Variants in RSRP1 observed in about 807,000 individuals in gnomAD.
RSRP1 encodes the protein arginine and serine rich protein 1.
Under a neutral mutation model 33.0 loss-of-function variants are expected in RSRP1, and 37 were observed. The observed-to-expected ratio is 1.12, with a 90% CI of 0.86 to 1.48. The LOEUF (loss-of-function observed/expected upper bound fraction) is 1.48. Ranked by LOEUF, RSRP1 falls within the 40% of genes most tolerant of loss-of-function variation. RSRP1 has a pLI of 0.00. For missense variants in RSRP1, 402 were observed against 385.3 expected (o/e 1.04, Z -0.36); for synonymous variants, 167 against 158.7 (o/e 1.05, Z -0.40).
At chr1:25,277,993 A>G (rs1332794977) in intron 1 of RSRP1, among the ~76,000 whole-genome samples, 3 of 131,658 alleles carry the variant, frequency 2.3e-5, no homozygotes, top group African/African-American at 7.7e-5. Context: ...TAATTTCTTA[A>G]TTTTTTAAAT....
At chr1:25,314,081 C>T (rs1358869378) in intron 1 of RSRP1, among the ~76,000 whole-genome samples, 1 of 132,774 alleles carries the variant, frequency 7.5e-6, no homozygotes, top group African/African-American at 2.6e-5. Flanking sequence ...CACACGAATG[C>T]ACTTCTGTTG....
intron 3 of RSRP1, 132 bp downstream of exon 3, chr1:25,245,018 T>G (rs1397864474): frequency 6.4e-7 from 1 of 1,569,348 alleles, no homozygotes; most frequent in Non-Finnish European, 8.6e-7. Context: ...TCTTCAGATT[T>G]GCTACTTTGA....
At chr1:25,277,800 G>A (rs1160807206) in intron 1 of RSRP1, among the ~76,000 whole-genome samples, 2 of 121,384 alleles carry the variant, frequency 1.6e-5, no homozygotes, top group East Asian at 2.0e-4. Context: ...TCAGCCTCCC[G>A]AGTAGCTGGG....
Position 25,329,336 on chromosome 1 carries a change from C to T in RSRP1, c.-67+8642G>A. The stretch of plus-strand genomic sequence containing the variant: ...CTTGGCTCACTGCAACCTCTACCTC[C>T]TGGGTTCAAGCAAATCTCCTGCCTC... On this transcript the variant is annotated intron_variant, in intron 1 of 1. Transcript: ENST00000561867. 2 of 374,294 alleles carry T rather than the reference C, an allele frequency of 5.3e-6. 1 individual carries two copies. Among genetic ancestry groups the T allele is most frequent in the Non-Finnish European group, 1.0e-5 (2 of 192,246 alleles). The allele number at this position is 374,294 out of a possible 1,614,324, so 23.2% of individuals were successfully genotyped here. A position where few individuals can be genotyped will look rare whatever the true frequency, so the allele number is the denominator to read the frequency against.
At position 25,312,982 on chromosome 1, in the gene RSRP1, C is replaced by T. The variant is rs1644249165; in HGVS notation, c.-67+24996G>A. Among the ~76,000 whole-genome samples the T allele has an allele frequency of 2.2e-5, 2 of 89,352 alleles. 1 individual carries two copies. Among genetic ancestry groups the T allele is most frequent in the Admixed American group, 2.7e-4 (2 of 7,424 alleles). The allele number at this position is 89,352 out of a possible 152,430, so 58.6% of individuals were successfully genotyped here. On this transcript the variant is annotated intron_variant, in intron 1 of 1. Coordinates refer to the RSRP1 transcript ENST00000561867. Reference sequence around the variant, plus strand: ...TTTAGTGCTATTGGAATGAATTTTGCATGTAAGAAGGACATGCATTTTGGG... The same window carrying T: ...TTTAGTGCTATTGGAATGAATTTTGTATGTAAGAAGGACATGCATTTTGGG...
At position 25,299,827 on chromosome 1, in the gene RSRP1, A is replaced by G. The variant is rs1444698967; in HGVS notation, c.-67+38151T>C. 4.6e-5 allele frequency among the ~76,000 whole-genome samples: 6 copies of G among 131,454 alleles called. 2 individuals carry two copies. Among genetic ancestry groups the G allele is most frequent in the Non-Finnish European group, 7.2e-5 (4 of 55,760 alleles). 86.2% of individuals were successfully genotyped at this position (131,454 alleles called of 152,430 possible). Reference sequence around the variant, plus strand: ...TGCAGTGGCGACATCTCAGCTCACTATAGCCTCCGCCTCCCAGGTTCCAGT... The same window carrying G: ...TGCAGTGGCGACATCTCAGCTCACTGTAGCCTCCGCCTCCCAGGTTCCAGT... On this transcript the variant is annotated intron_variant, in intron 1 of 1. Transcript: ENST00000561867.
chr1:25,301,689 G>A lies in RSRP1; in HGVS notation c.-67+36289C>T, dbSNP rs376352142. ...ACCCCCAAGGGAAGATCAGCAAGGT[G>A]AGCAGGGCGCTGCCCTTGGGCAGCA... On this transcript the variant is annotated intron_variant, in intron 1 of 1. Transcript: ENST00000561867. 4 of 1,379,084 alleles carry A rather than the reference G, an allele frequency of 2.9e-6. 2 individuals carry two copies. Among genetic ancestry groups the A allele is most frequent in the Non-Finnish European group, 4.1e-6 (4 of 978,360 alleles). 85.4% of individuals were successfully genotyped at this position (1,379,084 alleles called of 1,614,324 possible). A position where few individuals can be genotyped will look rare whatever the true frequency, so the allele number is the denominator to read the frequency against.
At position 25,244,858 on chromosome 1, in the gene RSRP1, A is replaced by G. The variant is rs955731695; in HGVS notation, c.672+292T>C. 4.6e-6 allele frequency: 5 copies of G among 1,087,260 alleles called. No individual in the cohort carries two copies. The South Asian group carries it at 8.5e-5, about 19-fold the overall frequency. The allele number at this position is 1,087,260 out of a possible 1,614,324, so 67.4% of individuals were successfully genotyped here. On this transcript the variant is annotated intron_variant, in intron 3 of 4. Transcript: ENST00000243189. ...ACCACCATGCCTGGCTAATTTTTGTATTTTTTGTAAACACGCGGTTTTGCC... is the reference window on the plus strand; with the variant it reads ...ACCACCATGCCTGGCTAATTTTTGTGTTTTTTGTAAACACGCGGTTTTGCC...
chr1:25,303,491 T>C, intron 1 of RSRP1: 1 of 1,377,610 alleles, frequency 7.3e-7, no homozygotes. Flanking sequence ...CTCCTCTGCT[T>C]TGGCTGAAGG....
rs539762104 is a variant in RSRP1 at position 25,282,763 on chromosome 1, G to A, written c.-66-35734C>T. 4.2e-4 allele frequency among the ~76,000 whole-genome samples: 54 copies of A among 130,114 alleles called. 6 individuals are homozygous for A. The highest frequency in any genetic ancestry group is 1.3e-3 in the African/African-American group (50 of 38,262). The allele number at this position is 130,114 out of a possible 152,430, so 85.4% of individuals were successfully genotyped here. A position where few individuals can be genotyped will look rare whatever the true frequency, so the allele number is the denominator to read the frequency against. On this transcript the variant is annotated intron_variant, in intron 1 of 1. Transcript: ENST00000561867. Reference sequence around the variant, plus strand: ...AAAAATTAGCCAGGCGTGGTGGCGCGCGCCTGTGGTTCCCACTGAAGCACA... The same window carrying A: ...AAAAATTAGCCAGGCGTGGTGGCGCACGCCTGTGGTTCCCACTGAAGCACA...
intron 4 of RSRP1, among the ~76,000 whole-genome samples, chr1:25,243,303 A>G (rs1434090746): frequency 6.6e-6 from 1 of 152,106 alleles, no homozygotes; most frequent in Non-Finnish European, 1.5e-5. Context: ...TCCCTTTAAA[A>G]TATTTCAATA....
chr1:25,260,370 T>TAA (rs1375328024), intron 1 of RSRP1, among the ~76,000 whole-genome samples: 1 of 152,246 alleles, frequency 6.6e-6, no homozygotes, highest in Non-Finnish European at 1.5e-5. Context: ...TTTTAAACTA[T>TAA]AAGCACTATT....
At position 25,306,418 on chromosome 1, in the gene RSRP1, A is replaced by G. The variant is rs1224612826; in HGVS notation, c.-67+31560T>C. On this transcript the variant is annotated intron_variant, in intron 1 of 1. Coordinates refer to the RSRP1 transcript ENST00000561867. Reference sequence around the variant, plus strand: ...CCACATCCACTAAAGCCAGCTCTTCATTTCAACAAACTCCCCGATGATGTG... The same window carrying G: ...CCACATCCACTAAAGCCAGCTCTTCGTTTCAACAAACTCCCCGATGATGTG... 1.5e-5 allele frequency among the ~76,000 whole-genome samples: 2 copies of G among 131,726 alleles called. 1 individual carries two copies. The highest frequency in any genetic ancestry group is 3.6e-5 in the Non-Finnish European group (2 of 55,800). The allele number at this position is 131,726 out of a possible 152,430, so 86.4% of individuals were successfully genotyped here.
intron 1 of RSRP1, among the ~76,000 whole-genome samples, chr1:25,260,430 G>C (rs1640095586): frequency 6.6e-6 from 1 of 151,964 alleles, no homozygotes; most frequent in Non-Finnish European, 1.5e-5. Context: ...TAATTTTACA[G>C]ATTTTTTTTT....
upstream of RSRP1, among the ~76,000 whole-genome samples, chr1:25,248,891 GT>G (rs1208516217): frequency 6.6e-6 from 1 of 152,178 alleles, no homozygotes; most frequent in Non-Finnish European, 1.5e-5. Flanking sequence ...GCTCACGCTT[GT>G]AATTCCAGCA....
intron 3 of RSRP1, chr1:25,243,917 G>C: frequency 8.4e-7 from 1 of 1,188,852 alleles, no homozygotes; most frequent in Non-Finnish European, 1.1e-6. Context: ...CTTTTGAAAT[G>C]TAAAGCCACA....
At chr1:25,244,239 AT>A in intron 3 of RSRP1, 1 of 1,289,306 alleles carries the variant, frequency 7.8e-7, no homozygotes, top group Non-Finnish European at 1.0e-6. Flanking sequence ...AATATATTGC[AT>A]ATATTATGAA....
chr1:25,258,550 T>C (rs1300716643), intron 1 of RSRP1, among the ~76,000 whole-genome samples: 1 of 152,208 alleles, frequency 6.6e-6, no homozygotes, highest in Non-Finnish European at 1.5e-5. Context: ...GACTGGCTCC[T>C]GCTGTCCTCC....
rs770994666 is a variant in RSRP1 at position 25,246,529 on chromosome 1, T to C, written c.435A>G (p.Thr145=). 2 of 1,614,238 alleles carry C rather than the reference T, an allele frequency of 1.2e-6. No homozygotes were observed. Among genetic ancestry groups the C allele is most frequent in the Admixed American group, 3.3e-5 (2 of 60,034 alleles). ...ATCTGCTGTGCTCCTCCGGGTACAC[T>C]GTGCGACCAAAGCCGTAGTAGCGCT... ...RGQRYYGFGR[T]VYPEEHSRWR... is the part of the protein sequence containing the mutation. The change falls in exon 2 of 5, where the codon ACA becomes ACG. Residue 145 remains threonine, a synonymous_variant. Transcript: ENST00000243189.
Sources: allele counts gnomAD v4.1 joint callset (sites outside exome capture counted in the v4.1 genomes callset), GRCh38; gene constraint gnomAD v4.1.1; transcripts MANE v1.5; gene names NCBI Gene and HGNC (gene_info 2026-07-23, HGNC 2026-07-21).